Variants in RYR1 observed in about 807,000 individuals in gnomAD.
RYR1 encodes central core disease of muscle.
Under a neutral mutation model 583.5 loss-of-function variants are expected in RYR1, and 342 were observed. The ratio of observed to expected loss-of-function variants is 0.59; its 90% confidence interval spans 0.54 to 0.64. RYR1 has a LOEUF of 0.64. RYR1 is among the 30% of genes least tolerant of loss of function. The probability of loss-of-function intolerance (pLI) is 0.00; values close to 1 mark genes in which losing one functional copy is unlikely to be tolerated. For missense variants in RYR1, 6,032 were observed against 6,917.2 expected, an observed-to-expected ratio of 0.87 and a Z score of 4.54; for synonymous variants, 2,791 against 2,822.5, an observed-to-expected ratio of 0.99 and a Z score of 0.35.
chr19:38,544,418 C>T (rs934482091), intron 87 of RYR1, among the ~76,000 whole-genome samples: 1 of 152,196 alleles, frequency 6.6e-6, no homozygotes, highest in African/African-American at 2.4e-5. Context: ...AATCCATTTG[C>T]TCTGCTTCTG....
chr19:38,461,148 C>A (rs908799203), intron 20 of RYR1, among the ~76,000 whole-genome samples: 1 of 120,080 alleles, frequency 8.3e-6, no homozygotes, highest in African/African-American at 2.9e-5. Flanking sequence ...AGTGAGACTT[C>A]ATCTCAAAAC....
chr19:38,493,454 C>T (rs1969647004), intron 38 of RYR1, among the ~76,000 whole-genome samples: 1 of 151,698 alleles, frequency 6.6e-6, no homozygotes, highest in Admixed American at 6.6e-5. Flanking sequence ...CTGGGAAATA[C>T]AGCCGAGGGG....
At chr19:38,528,535 G>T (rs896082143) in intron 74 of RYR1, 64 bp from the exon 75 acceptor site, 45 of 1,596,628 alleles carry the variant, frequency 2.8e-5, no homozygotes, top group African/African-American at 2.7e-5. Flanking sequence ...GGCTGCAGGC[G>T]CATGGGAGGT....
chr19:38,533,141 A>G (rs1971817367), intron 78 of RYR1, among the ~76,000 whole-genome samples: 1 of 152,088 alleles, frequency 6.6e-6, no homozygotes, highest in Non-Finnish European at 1.5e-5. Flanking sequence ...GGCTTCTCGG[A>G]GGAGGGGACT....
At position 38,565,361 on chromosome 19, in the gene RYR1, G is replaced by A. The variant is rs1204041410; in HGVS notation, c.13027G>A (p.Ala4343Thr). The change falls in exon 91 of 106, where the codon GCT (alanine) becomes ACT (threonine). Residue 4343 changes from alanine (A) to threonine (T), a missense_variant. Ala to Thr is a moderately conservative substitution (Grantham distance 58). Coordinates refer to ENST00000359596, the MANE Select transcript of RYR1 (RefSeq NM_000540.3). This position sits in a 1 kb window ranked among gnomAD's most constrained non-coding sequence, Gnocchi z 4.7. ...AALLWAAVTR[A>T]GAAGAGAAAG... Reference sequence around the variant, plus strand: ...GCTGCTCTGGGCAGCAGTGACGCGCGCTGGGGCCGCTGGCGCGGGGGCGGC... The same window carrying A: ...GCTGCTCTGGGCAGCAGTGACGCGCACTGGGGCCGCTGGCGCGGGGGCGGC... 25 of 1,313,118 alleles carry A rather than the reference G, an allele frequency of 1.9e-5. No homozygotes were observed. The highest frequency in any genetic ancestry group is 1.3e-4 in the South Asian group (6 of 45,778). The allele number at this position is 1,313,118 out of a possible 1,614,324, so 81.3% of individuals were successfully genotyped here. A position where few individuals can be genotyped will look rare whatever the true frequency, so the allele number is the denominator to read the frequency against.
chr19:38,466,054 G>A (rs772561265), intron 23 of RYR1, 37 bp from the exon 24 acceptor site: 2 of 1,578,850 alleles, frequency 1.3e-6, no homozygotes, highest in South Asian at 2.3e-5. Flanking sequence ...AAGTGGAGGT[G>A]AGGGCCTTGT....
intron 48 of RYR1, 36 bp downstream of exon 48, chr19:38,502,763 AGG>A (rs1970210721): frequency 2.5e-6 from 1 of 402,150 alleles, no homozygotes; most frequent in Non-Finnish European, 4.1e-6. Context: ...GGGCAGGGGC[AGG>A]GGCAGGGGCA....
Position 38,473,758 on chromosome 19 carries a change from A to G in RYR1, c.4147A>G (p.Asn1383Asp). The change falls in exon 28 of 106, where the codon AAC becomes GAC. Residue 1383 changes from asparagine to aspartate, a missense_variant. This residue lies in a region of RYR1 where 2,627 missense variants were observed against 2,961.3 expected (regional missense o/e 0.89). Coordinates refer to ENST00000359596, the MANE Select transcript of RYR1 (RefSeq NM_000540.3). Reference protein sequence around the residue: ...ENEKDATTEKNKKRGFLFKAK... With the variant: ...ENEKDATTEKDKKRGFLFKAK... ...TGAGAAGGATGCCACCACCGAGAAG[A>G]ACAAGAAGAGAGGGTGAGTCGAGGG... 1 of 1,533,302 alleles carries G rather than the reference A, an allele frequency of 6.5e-7. No homozygotes were observed. The highest frequency in any genetic ancestry group is 2.5e-5 in the East Asian group (1 of 40,742). The allele number at this position is 1,533,302 out of a possible 1,614,324, so 95.0% of individuals were successfully genotyped here.
At position 38,504,264 on chromosome 19, in the gene RYR1, A is replaced by C. The variant is rs773232872; in HGVS notation, c.7971A>C (p.Leu2657=). The C allele has an allele frequency of 1.2e-6, 2 of 1,613,976 alleles. No homozygotes were observed. Among genetic ancestry groups the C allele is most frequent in the South Asian group, 2.2e-5 (2 of 91,062 alleles). The change falls in exon 50 of 106, where the codon CTA becomes CTC. Residue 2657 remains leucine (L), a synonymous_variant. Transcript: ENST00000359596. ...HYERCWKYYC[L]PTGWANFGVT... ...AGCGCTGTTGGAAGTACTACTGCCT[A>C]CCCACGGGCTGGGCCAACTTCGGGG... is the stretch of plus-strand genomic sequence containing the variant.
At chr19:38,517,210 T>G (rs1971009451) in intron 65 of RYR1, 149 bp from the exon 66 acceptor site, 2 of 808,844 alleles carry the variant, frequency 2.5e-6, no homozygotes, top group Non-Finnish European at 4.0e-6. Flanking sequence ...GGTAGTTGGG[T>G]TGGAGGGTGA....
At chr19:38,522,299 T>A (rs1330740770) in intron 67 of RYR1, among the ~76,000 whole-genome samples, 2 of 152,106 alleles carry the variant, frequency 1.3e-5, no homozygotes, top group Non-Finnish European at 2.9e-5. Context: ...TAGACAAAGT[T>A]TTTTAAAAAA....
Position 38,527,571 on chromosome 19 carries a change from A to G in RYR1, c.10687-76A>G, listed in dbSNP as rs559651879. The G allele has an allele frequency of 5.0e-6, 8 of 1,594,812 alleles. No homozygotes were observed. In the East Asian group the frequency reaches 9.0e-5, roughly 18 times the overall value. On this transcript the variant is annotated intron_variant, in intron 72 of 105. Transcript: ENST00000359596. ...TGCACTCACCCATTGAGTCCTCCCA[A>G]AAACGGAAAGGGGACATCCGGCGGA... is the stretch of plus-strand genomic sequence containing the variant.
chr19:38,541,863 G>C (rs1281225062), intron 84 of RYR1, among the ~76,000 whole-genome samples: 1 of 151,884 alleles, frequency 6.6e-6, no homozygotes, highest in South Asian at 2.1e-4. Context: ...TAGGAGGGTT[G>C]CTTGAGGCCA....
At chr19:38,585,223 T>G (rs1173614008) in intron 102 of RYR1, 124 bp downstream of exon 102, 95 of 1,226,072 alleles carry the variant, frequency 7.7e-5, no homozygotes, top group Non-Finnish European at 1.0e-4. Flanking sequence ...CTGTGAGACC[T>G]TGGGCAAGTC....
At chr19:38,523,635 C>CCCT (rs968446780) in intron 69 of RYR1, 49 of 607,822 alleles carry the variant, frequency 8.1e-5, no homozygotes, top group African/African-American at 5.2e-4. Flanking sequence ...CCTCCCATTT[C>CCCT]CCTCCTCCTC....
chr19:38,478,428 C>G lies in RYR1; in HGVS notation c.4455-7C>G. On this transcript the variant is annotated splice_polypyrimidine_tract_variant and splice_region_variant and intron_variant, in intron 30 of 105. Coordinates refer to ENST00000359596, the MANE Select transcript of RYR1 (RefSeq NM_000540.3). ...AGGAGTGCAGTGACCGCTTCTGTCTCCTGCAGCCTCAAGTGTAGCAACTGC... is the reference window on the plus strand; with the variant it reads ...AGGAGTGCAGTGACCGCTTCTGTCTGCTGCAGCCTCAAGTGTAGCAACTGC... 1 of 1,612,870 alleles carries G rather than the reference C, an allele frequency of 6.2e-7. No individual in the cohort carries two copies. Among genetic ancestry groups the G allele is most frequent in the Admixed American group, 1.7e-5 (1 of 59,994 alleles).
intron 37 of RYR1, among the ~76,000 whole-genome samples, chr19:38,491,591 G>C (rs370494572): frequency 3.3e-5 from 5 of 151,988 alleles, no homozygotes; most frequent in East Asian, 1.9e-4. Context: ...ACCACGCCTG[G>C]CTAATTTTTT....
chr19:38,506,692 C>T, intron 56 of RYR1, 137 bp from the exon 57 acceptor site: 1 of 1,487,738 alleles, frequency 6.7e-7, no homozygotes, highest in Non-Finnish European at 9.2e-7. Flanking sequence ...ATGAGATGAG[C>T]ACCAGCAAGC....
At chr19:38,514,948 A>T in intron 63 of RYR1, 78 bp from the exon 64 acceptor site, 1 of 958,246 alleles carries the variant, frequency 1.0e-6, no homozygotes, top group Non-Finnish European at 1.7e-6. Context: ...GCATGGGCCT[A>T]TTTGAGACAA....
Sources: allele counts gnomAD v4.1 joint callset (sites outside exome capture counted in the v4.1 genomes callset), GRCh38; gene constraint gnomAD v4.1.1; regional missense constraint gnomAD v4.1.1; non-coding constraint Gnocchi (gnomAD v3.1); transcripts MANE v1.5; gene names NCBI Gene and HGNC (gene_info 2026-07-23, HGNC 2026-07-21).